The following VPS13B variants were observed in gnomAD, a reference collection of about 807,000 sequenced individuals.
VPS13B encodes the protein intermembrane lipid transfer protein VPS13B.
Under a neutral mutation model 426.4 loss-of-function variants are expected in VPS13B, and 285 were observed. The ratio of observed to expected loss-of-function variants is 0.67; its 90% confidence interval spans 0.61 to 0.74. The LOEUF is 0.74. Ranked by LOEUF, VPS13B falls within the 30% of genes least tolerant of loss-of-function variation. VPS13B has a pLI of 0.00. For synonymous variants in VPS13B, 1,676 were observed against 1,676.4 expected (o/e 1.00, Z 0.01); for missense variants, 4,537 against 4,782.6 (o/e 0.95, Z 1.51).
chr8:99,543,713 T>C (rs1167649220), intron 30 of VPS13B, among the ~76,000 whole-genome samples: 2 of 149,534 alleles, frequency 1.3e-5, no homozygotes, highest in Admixed American at 1.3e-4. Context: ...CATGAAAAAA[T>C]GCTCACCATC....
At chr8:99,282,109 C>G (rs1166343825) in intron 19 of VPS13B, among the ~76,000 whole-genome samples, 1 of 152,110 alleles carries the variant, frequency 6.6e-6, no homozygotes, top group Non-Finnish European at 1.5e-5. Context: ...CTATTTCCCT[C>G]TTAATACTGT....
intron 17 of VPS13B, among the ~76,000 whole-genome samples, chr8:99,222,456 T>C (rs1481921655): frequency 6.6e-6 from 1 of 152,232 alleles, no homozygotes; most frequent in African/African-American, 2.4e-5. Flanking sequence ...AGCTTGGTAA[T>C]TGGTGGCTAC....
At chr8:99,133,360 C>T (rs1343120411) in intron 8 of VPS13B, among the ~76,000 whole-genome samples, 1 of 152,208 alleles carries the variant, frequency 6.6e-6, no homozygotes, top group African/African-American at 2.4e-5. Flanking sequence ...TCAGCCTTGG[C>T]TTAAGGGAGT....
At chr8:99,620,536 C>T (rs1194444783) in intron 33 of VPS13B, among the ~76,000 whole-genome samples, 2 of 152,010 alleles carry the variant, frequency 1.3e-5, no homozygotes, top group Admixed American at 1.3e-4. Flanking sequence ...AGGAAAATGA[C>T]CTTTATTGAG....
intron 30 of VPS13B, among the ~76,000 whole-genome samples, chr8:99,541,032 T>C (rs1312745612): frequency 1.3e-5 from 2 of 152,140 alleles, no homozygotes; most frequent in Non-Finnish European, 2.9e-5. Flanking sequence ...TTTTATATGT[T>C]GCCTCAATTC....
intron 31 of VPS13B, among the ~76,000 whole-genome samples, chr8:99,573,651 T>C (rs1825608188): frequency 6.6e-6 from 1 of 152,176 alleles, no homozygotes; most frequent in African/African-American, 2.4e-5. Context: ...TCTGTTCCAT[T>C]GGTCTATATC....
intron 17 of VPS13B, among the ~76,000 whole-genome samples, chr8:99,266,422 GA>G (rs999722073): frequency 9.3e-5 from 14 of 150,282 alleles, no homozygotes; most frequent in East Asian, 7.8e-4. Flanking sequence ...TTAAAAAAAA[GA>G]AAAAAAAATA....
chr8:99,684,899 G>A (rs1271736949), intron 35 of VPS13B, among the ~76,000 whole-genome samples: 3 of 152,162 alleles, frequency 2.0e-5, no homozygotes, highest in Admixed American at 2.0e-4. Flanking sequence ...CACCTCCCAG[G>A]TTCAAGCAAT....
At chr8:99,866,306 A>G (rs1381184936) in intron 58 of VPS13B, among the ~76,000 whole-genome samples, 1 of 152,236 alleles carries the variant, frequency 6.6e-6, no homozygotes, top group East Asian at 1.9e-4. Context: ...GCAGGGCTGC[A>G]GGGACCATGA....
At chr8:99,665,562 T>G (rs556312234) in intron 35 of VPS13B, among the ~76,000 whole-genome samples, 11 of 152,346 alleles carry the variant, frequency 7.2e-5, no homozygotes, top group African/African-American at 2.6e-4. Context: ...CCAGCACCAT[T>G]TATTAAATAG....
chr8:99,408,329 T>C (rs562643040), intron 21 of VPS13B, among the ~76,000 whole-genome samples: 1 of 152,276 alleles, frequency 6.6e-6, no homozygotes, highest in East Asian at 1.9e-4. Context: ...TCTATAATCA[T>C]GGTAACTTTG....
At chr8:99,217,557 G>C (rs1458645658) in intron 17 of VPS13B, among the ~76,000 whole-genome samples, 1 of 152,084 alleles carries the variant, frequency 6.6e-6, no homozygotes, top group Non-Finnish European at 1.5e-5. Flanking sequence ...GTAGTTTCTA[G>C]TTTATGCTTT....
intron 25 of VPS13B, among the ~76,000 whole-genome samples, chr8:99,490,047 A>G (rs1563757664): frequency 6.6e-6 from 1 of 152,120 alleles, no homozygotes; most frequent in Non-Finnish European, 1.5e-5. Flanking sequence ...GGTTTGTCAT[A>G]AATAGCTCTT....
chr8:99,646,870 G>C (rs531232531), intron 34 of VPS13B, among the ~76,000 whole-genome samples: 1 of 151,994 alleles, frequency 6.6e-6, no homozygotes, highest in Non-Finnish European at 1.5e-5. Flanking sequence ...GCTTTCTGCC[G>C]TGATCATAGC....
intron 5 of VPS13B, among the ~76,000 whole-genome samples, chr8:99,103,532 T>C (rs1156988484): frequency 7.4e-6 from 1 of 135,206 alleles, no homozygotes; most frequent in Non-Finnish European, 1.5e-5. Flanking sequence ...GGAGTCTTGC[T>C]CTGTCGCCCA....
intron 19 of VPS13B, among the ~76,000 whole-genome samples, chr8:99,326,452 C>CTTGTTTTTTTTTTT (rs1810267861): frequency 1.2e-4 from 4 of 32,518 alleles, no homozygotes; most frequent in Non-Finnish European, 1.6e-4. Flanking sequence ...CTCTAGGTAG[C>CTTGTTTTTTTTTTT]TTTTTTTTTT....
At chr8:99,448,736 A>G (rs552926944) in intron 23 of VPS13B, among the ~76,000 whole-genome samples, 1 of 152,200 alleles carries the variant, frequency 6.6e-6, no homozygotes, top group East Asian at 1.9e-4. Flanking sequence ...TTTGCTATTT[A>G]CACACATTCC....
In VPS13B at chr8:99,859,297, G is replaced by A. The variant is rs376141593; in HGVS notation, c.10868-7G>A. 109 of 1,613,202 alleles carry A rather than the reference G, an allele frequency of 6.8e-5. No homozygotes were observed. The highest frequency in any genetic ancestry group is 1.8e-4 in the East Asian group (8 of 44,890). On this transcript the variant is annotated splice_region_variant and splice_polypyrimidine_tract_variant and intron_variant, in intron 56 of 61. Transcript: ENST00000357162. ...TTCAATCACCCCTTCCCTCTTGTGC[G>A]TTGCAGGCTGGGTAGTTGGGTCTCT...
intron 3 of VPS13B, chr8:99,093,874 C>G (rs1846297424): frequency 6.6e-6 from 1 of 152,172 alleles, no homozygotes; most frequent in South Asian, 2.1e-4. Flanking sequence ...GACACAGACA[C>G]TCTCCCAAGA....
Sources: gnomAD v4.1 joint callset for allele counts (sites outside exome capture counted in the v4.1 genomes callset) on GRCh38, gnomAD v4.1.1 for gene constraint, MANE v1.5 for transcripts, NCBI Gene and HGNC (gene_info 2026-07-23, HGNC 2026-07-21) for gene names.